Variants in ZNF652 observed in about 807,000 individuals in gnomAD.
ZNF652 encodes zinc finger protein 652.
A neutral mutation model predicts 45.2 loss-of-function variants in ZNF652; 16 were observed. That is an observed-to-expected ratio of 0.35 (90% CI 0.24 to 0.54). ZNF652 has a LOEUF of 0.54. Among genes scored for constraint, ZNF652 ranks in the 20% least tolerant of loss-of-function variants. The probability of loss-of-function intolerance (pLI) is 0.91; values close to 1 mark genes in which losing one functional copy is unlikely to be tolerated. For missense variants in ZNF652, 614 were observed against 765.6 expected, an observed-to-expected ratio of 0.80 and a Z score of 2.34; for synonymous variants, 250 against 260.6, an observed-to-expected ratio of 0.96 and a Z score of 0.39.
At chr17:49,349,328 G>A (rs2070245542) in intron 1 of ZNF652, among the ~76,000 whole-genome samples, 2 of 152,060 alleles carry the variant, frequency 1.3e-5, no homozygotes, top group Admixed American at 1.3e-4. Flanking sequence ...GAATCCAGGA[G>A]GCAGAGGTTG....
intron 1 of ZNF652, among the ~76,000 whole-genome samples, chr17:49,343,367 T>C (rs4572450): frequency 0.77 from 117,876 of 152,112 alleles, 45,837 homozygotes; most frequent in African/African-American, 0.83. Flanking sequence ...AATCCATTAG[T>C]AACCTTACAC....
rs2069397838 is a variant in ZNF652, at chr17:49,290,966, G to T, written c.*7447C>A. 1 of 152,144 alleles carries T rather than the reference G, an allele frequency of 6.6e-6. No individual in the cohort carries two copies. Among genetic ancestry groups the T allele is most frequent in the Admixed American group, 6.6e-5 (1 of 15,262 alleles). The allele number at this position is 152,144 out of a possible 1,614,324, so 9.4% of individuals were successfully genotyped here. On this transcript the variant is annotated 3_prime_UTR_variant, in exon 6 of 6. Transcript: ENST00000430262. ...AAAACAGTCACACAGCCCATGTCAA[G>T]AAATGAATAAAATGCATATTCAAAT...
intron 1 of ZNF652, among the ~76,000 whole-genome samples, chr17:49,341,927 T>C (rs927531137): frequency 2.0e-5 from 3 of 152,206 alleles, no homozygotes; most frequent in Non-Finnish European, 4.4e-5. Context: ...AGCTCACGCC[T>C]GTAATCCCAG....
At chr17:49,318,257 T>C (rs1205943069) in intron 1 of ZNF652, among the ~76,000 whole-genome samples, 1 of 152,106 alleles carries the variant, frequency 6.6e-6, no homozygotes, top group Admixed American at 6.5e-5. Context: ...TTTGTATTTT[T>C]AGTAGAGACG....
chr17:49,352,655 CTT>C (rs905904055), intron 1 of ZNF652, among the ~76,000 whole-genome samples: 13 of 152,152 alleles, frequency 8.5e-5, no homozygotes, highest in Admixed American at 6.6e-4. Flanking sequence ...AGAAATGAAA[CTT>C]ATATTCACCC....
chr17:49,310,398 G>A (rs909256769), intron 5 of ZNF652, among the ~76,000 whole-genome samples: 1 of 152,206 alleles, frequency 6.6e-6, no homozygotes, highest in African/African-American at 2.4e-5. Flanking sequence ...AGTTTAGACT[G>A]AGATACAATG....
At chr17:49,327,775 ATATATTTTT>A (rs2069979850) in intron 1 of ZNF652, among the ~76,000 whole-genome samples, 1 of 2,430 alleles carries the variant, frequency 4.1e-4, no homozygotes, top group African/African-American at 1.4e-3. Flanking sequence ...ATATATATAT[ATATATTTTT>A]TTTTTTTTTT....
intron 2 of ZNF652, among the ~76,000 whole-genome samples, chr17:49,313,445 C>T (rs994753423): frequency 6.6e-6 from 1 of 152,118 alleles, no homozygotes; most frequent in South Asian, 2.1e-4. Flanking sequence ...GCATGAGTCA[C>T]CAAGCCCAGC....
chr17:49,333,096 C>T (rs1196340285), intron 1 of ZNF652, among the ~76,000 whole-genome samples: 6 of 151,424 alleles, frequency 4.0e-5, no homozygotes, highest in African/African-American at 1.5e-4. Context: ...CTCGCTCTGT[C>T]GCCCAGGCTG....
In ZNF652 at chr17:49,298,407, C is replaced by T. The variant is rs370038529; in HGVS notation, c.*6G>A. On this transcript the variant is annotated 3_prime_UTR_variant, in exon 6 of 6. Coordinates refer to ENST00000430262, the MANE Select transcript of ZNF652 (RefSeq NM_001145365.3). ...TCTCCTGGAGAACACACTAAGGAGA[C>T]GGATGTTAATGATGCTGTGCTGAAC... 17 of 1,612,190 alleles carry T rather than the reference C, an allele frequency of 1.1e-5. No individual in the cohort carries two copies. The highest frequency in any genetic ancestry group is 2.2e-5 in the East Asian group (1 of 44,880).
At chr17:49,306,368 G>T (rs2069628629) in intron 5 of ZNF652, among the ~76,000 whole-genome samples, 1 of 152,156 alleles carries the variant, frequency 6.6e-6, no homozygotes. Context: ...ATTAATATAA[G>T]AAATCATTTC....
chr17:49,325,514 AC>A (rs2069947424), intron 1 of ZNF652, among the ~76,000 whole-genome samples: 1 of 152,240 alleles, frequency 6.6e-6, no homozygotes, highest in Admixed American at 6.5e-5. Context: ...ACACAGAGAC[AC>A]AAAGTGAGCA....
chr17:49,358,481 T>C (rs910679775), intron 1 of ZNF652, among the ~76,000 whole-genome samples: 6 of 152,168 alleles, frequency 3.9e-5, no homozygotes, highest in Admixed American at 2.0e-4. Context: ...CTTTTTTTTG[T>C]TGTTGTCTCT....
Position 49,312,773 on chromosome 17 carries a change from C to T in ZNF652, c.973G>A (p.Ala325Thr). The T allele has an allele frequency of 6.2e-7, 1 of 1,614,066 alleles. No individual in the cohort carries two copies. The change falls in exon 3 of 6, where the codon GCA becomes ACA. Residue 325 changes from alanine (A) to threonine (T), a missense_variant. By Grantham distance (58) the Ala-to-Thr change is moderately conservative. This residue lies in a region of ZNF652 where 262 missense variants were observed against 306.3 expected (regional missense o/e 0.86). Transcript: ENST00000430262. ...ATTTCACAGGAAAATTTCTTTTCTG[C>T]ATATCCATGGACGATCTTGATATGT... Reference protein sequence around the residue: ...HEHIKIVHGYAEKKFSCEICE... With the variant: ...HEHIKIVHGYTEKKFSCEICE...
chr17:49,327,975 C>T (rs914805915), intron 1 of ZNF652, among the ~76,000 whole-genome samples: 2 of 151,578 alleles, frequency 1.3e-5, no homozygotes, highest in African/African-American at 4.8e-5. Context: ...TGAAACCAGA[C>T]TGCCTGCATT....
rs2069468039 is a variant in ZNF652 at position 49,295,937 on chromosome 17, C to CAAAAAAAAAACAAAAAA, written c.*2475_*2476insTTTTTTGTTTTTTTTTT. ...CAGGCAACAGAACAAGACTCTGCCT[C>CAAAAAAAAAACAAAAAA]AAAAAAAAAAAAAAAAAAAAAAAAA... On this transcript the variant is annotated 3_prime_UTR_variant, in exon 6 of 6. Coordinates refer to ENST00000430262, the MANE Select transcript of ZNF652 (RefSeq NM_001145365.3). 1 of 51,222 alleles carries CAAAAAAAAAACAAAAAA rather than the reference C, an allele frequency of 2.0e-5. No homozygotes were observed. Among genetic ancestry groups the CAAAAAAAAAACAAAAAA allele is most frequent in the African/African-American group, 7.4e-5 (1 of 13,604 alleles). The allele number at this position is 51,222 out of a possible 1,614,324, so 3.2% of individuals were successfully genotyped here. A position where few individuals can be genotyped will look rare whatever the true frequency, so the allele number is the denominator to read the frequency against.
At chr17:49,337,822 T>C (rs191969887) in intron 1 of ZNF652, among the ~76,000 whole-genome samples, 2 of 152,180 alleles carry the variant, frequency 1.3e-5, no homozygotes, top group Non-Finnish European at 2.9e-5. Flanking sequence ...ATTCATGCAT[T>C]TACAAGCTTT....
intron 5 of ZNF652, 104 bp downstream of exon 5, chr17:49,311,208 T>C (rs2143765672): frequency 1.6e-6 from 2 of 1,274,912 alleles, no homozygotes; most frequent in South Asian, 1.6e-5. Context: ...GATTTTTGCT[T>C]TGAATGCAAA....
At chr17:49,300,155 C>T (rs995664139) in intron 5 of ZNF652, among the ~76,000 whole-genome samples, 1 of 152,210 alleles carries the variant, frequency 6.6e-6, no homozygotes, top group African/African-American at 2.4e-5. Flanking sequence ...GAATTTCACA[C>T]CACAGTGTTT....
Sources: allele counts gnomAD v4.1 joint callset (sites outside exome capture counted in the v4.1 genomes callset), GRCh38; gene constraint gnomAD v4.1.1; regional missense constraint gnomAD v4.1.1; transcripts MANE v1.5; gene names NCBI Gene and HGNC (gene_info 2026-07-23, HGNC 2026-07-21).